The following CPVL variants were observed in gnomAD, a reference collection of about 807,000 sequenced individuals.
The protein encoded by CPVL is carboxypeptidase vitellogenic like.
Under a neutral mutation model 63.7 loss-of-function variants are expected in CPVL, and 51 were observed. The observed-to-expected ratio is 0.80, with a 90% CI of 0.64 to 1.01. CPVL has a LOEUF of 1.01. Ranked by LOEUF, CPVL falls within the 50% of genes least tolerant of loss-of-function variation. The pLI, the probability that CPVL is intolerant of heterozygous loss-of-function variation, is 0.00. For synonymous variants in CPVL, 195 were observed against 206.0 expected (o/e 0.95, Z 0.46); for missense variants, 530 against 573.1 (o/e 0.92, Z 0.77).
intron 11 of CPVL, among the ~76,000 whole-genome samples, chr7:29,050,706 A>T (rs1382939985): frequency 6.6e-6 from 1 of 152,142 alleles, no homozygotes; most frequent in Non-Finnish European, 1.5e-5. Flanking sequence ...CCTCATCAAA[A>T]TACCACCATC....
chr7:29,004,420 A>AT (rs2128128433), intron 12 of CPVL, among the ~76,000 whole-genome samples: 1 of 151,374 alleles, frequency 6.6e-6, no homozygotes, highest in African/African-American at 2.4e-5. Context: ...TTAAAAAAAA[A>AT]GTCATGGAAA....
chr7:29,146,731 CG>C, upstream of CPVL: 1 of 1,550,482 alleles, frequency 6.4e-7, no homozygotes, highest in Middle Eastern at 1.7e-4. Flanking sequence ...AGAGCATCGG[CG>C]GGGTGCCATT....
At chr7:29,150,883 C>T (rs1793500191), upstream of CPVL, among the ~76,000 whole-genome samples, 1 of 152,186 alleles carries the variant, frequency 6.6e-6, no homozygotes, top group South Asian at 2.1e-4. Flanking sequence ...GTTCAATAAA[C>T]ACTTTTCTTA....
rs147973995 is a variant in CPVL, at chr7:29,063,921, CAAAG to C, written c.1137+136_1137+139del. ...TATAAAACTTTGAATTGGAATCAAA[CAAAG>C]AAAGGGGCTGTTATTTATGCTAATG... On this transcript the variant is annotated intron_variant, in intron 11 of 12. Transcript: ENST00000265394. 901 of 600,430 alleles carry C rather than the reference CAAAG, an allele frequency of 1.5e-3. 7 individuals carry two copies. In the African/African-American group the frequency reaches 0.016, roughly 11 times the overall value. 37.2% of individuals were successfully genotyped at this position (600,430 alleles called of 1,614,324 possible).
chr7:29,018,316 TAAA>T, intron 12 of CPVL, among the ~76,000 whole-genome samples: 1 of 143,548 alleles, frequency 7.0e-6, no homozygotes, highest in South Asian at 2.2e-4. Flanking sequence ...ACATTTATTC[TAAA>T]AAAAAAAATC....
rs770073222 is a variant in CPVL at position 29,092,646 on chromosome 7, G to A, written c.519C>T (p.Asp173=). The A allele has an allele frequency of 3.5e-5, 56 of 1,613,488 alleles. 2 individuals carry two copies. The Admixed American group carries it at 6.8e-4, about 20-fold the overall frequency. ...ACCTGTATAAATCCCGTGCTACATC[G>A]TCCTCATTGACTGCATATCCGTGGG... ...DDTHGYAVNE[D]DVARDLYSAL... The change falls in exon 6 of 13, where the codon GAC becomes GAT. Residue 173 remains aspartate (D), a synonymous_variant. Transcript: ENST00000265394.
intron 5 of CPVL, among the ~76,000 whole-genome samples, chr7:29,180,350 AC>A (rs1191864897): frequency 2.0e-5 from 3 of 152,156 alleles, no homozygotes; most frequent in Non-Finnish European, 4.4e-5. Flanking sequence ...ACACGGTGAA[AC>A]CCTATCTCTA....
chr7:29,149,072 G>A (rs899583521), upstream of CPVL, among the ~76,000 whole-genome samples: 3 of 152,112 alleles, frequency 2.0e-5, no homozygotes, highest in Middle Eastern at 3.2e-3. Flanking sequence ...GGGTGGGTCG[G>A]GGGTTAACTA....
At position 29,071,759 on chromosome 7, in the gene CPVL, C is replaced by T. The variant is rs1303882205; in HGVS notation, c.864+14G>A. The T allele has an allele frequency of 3.7e-6, 5 of 1,342,108 alleles. No individual in the cohort carries two copies. Among genetic ancestry groups the T allele is most frequent in the East Asian group, 8.9e-5 (2 of 22,582 alleles). 83.1% of individuals were successfully genotyped at this position (1,342,108 alleles called of 1,614,324 possible). A position where few individuals can be genotyped will look rare whatever the true frequency, so the allele number is the denominator to read the frequency against. ...TTAATTGCTCAAGGGCAGCACAGGGCCCCCAGAACTCACTTCAAAGGCCTC... is the reference window on the plus strand; with the variant it reads ...TTAATTGCTCAAGGGCAGCACAGGGTCCCCAGAACTCACTTCAAAGGCCTC... On this transcript the variant is annotated intron_variant, in intron 9 of 12. Coordinates refer to ENST00000265394, the MANE Select transcript of CPVL (RefSeq NM_031311.5).
intron 3 of CPVL, among the ~76,000 whole-genome samples, chr7:29,106,090 A>G (rs1522919): frequency 0.12 from 17,838 of 152,110 alleles, 1,052 homozygotes; most frequent in Middle Eastern, 0.15. Context: ...CCTGGTCCAA[A>G]GCTGGTCAAC....
At chr7:29,158,140 T>C (rs1794679060) in intron 5 of CPVL, among the ~76,000 whole-genome samples, 1 of 152,174 alleles carries the variant, frequency 6.6e-6, no homozygotes, top group Non-Finnish European at 1.5e-5. Context: ...GGGAGTGGGC[T>C]GTATTGGTAG....
At chr7:29,146,620 T>C (rs757908730), upstream of CPVL, 1 of 1,550,546 alleles carries the variant, frequency 6.4e-7, no homozygotes, top group Non-Finnish European at 8.7e-7. Flanking sequence ...TGCGTCGTCG[T>C]GTCCCAACCT....
chr7:29,006,494 A>C (rs10249201), intron 12 of CPVL, among the ~76,000 whole-genome samples: 12,851 of 152,218 alleles, frequency 0.084, 730 homozygotes, highest in Non-Finnish European at 0.13. Context: ...GCCTACCCTC[A>C]CTGAGTTCTA....
At chr7:29,162,245 G>A (rs933994258) in intron 5 of CPVL, among the ~76,000 whole-genome samples, 3 of 152,050 alleles carry the variant, frequency 2.0e-5, no homozygotes, top group Non-Finnish European at 2.9e-5. Context: ...GCCAAAAACC[G>A]GAAATGACCC....
intron 1 of CPVL, among the ~76,000 whole-genome samples, chr7:29,129,707 A>T (rs141748301): frequency 0.011 from 1,726 of 152,060 alleles, 36 homozygotes; most frequent in African/African-American, 0.039. Context: ...GACCTTGTGA[A>T]CTGCCCACCT....
upstream of CPVL, chr7:29,148,779 G>A (rs1169299013): frequency 6.6e-6 from 1 of 152,180 alleles, no homozygotes; most frequent in Non-Finnish European, 1.5e-5. Flanking sequence ...TTTAGTTGTG[G>A]GGAAGGGATG....
At chr7:29,009,732 A>C (rs2128133601) in intron 12 of CPVL, 1 of 152,306 alleles carries the variant, frequency 6.6e-6, no homozygotes, top group Middle Eastern at 3.4e-3. Context: ...AACTATTAAC[A>C]AAGAAAAAAG....
chr7:29,099,188 T>C (rs1786794735), intron 3 of CPVL, among the ~76,000 whole-genome samples: 1 of 152,260 alleles, frequency 6.6e-6, no homozygotes, highest in Admixed American at 6.5e-5. Context: ...CTGTATAGTA[T>C]GTGTTCTCCA....
At chr7:29,099,532 T>A (rs1180309777) in intron 3 of CPVL, among the ~76,000 whole-genome samples, 1 of 152,004 alleles carries the variant, frequency 6.6e-6, no homozygotes, top group East Asian at 1.9e-4. Context: ...GCCAATATGG[T>A]GAAACCGCAT....
Sources: allele counts gnomAD v4.1 joint callset (sites outside exome capture counted in the v4.1 genomes callset), GRCh38; gene constraint gnomAD v4.1.1; transcripts MANE v1.5; gene names NCBI Gene and HGNC (gene_info 2026-07-23, HGNC 2026-07-21).